The following SIRT5 variants were observed in gnomAD, a reference collection of about 807,000 sequenced individuals.
SIRT5 encodes NAD-dependent protein deacylase sirtuin-5, mitochondrial.
In SIRT5, 26 loss-of-function variants were observed where a neutral mutation model predicts 40.0. That is an observed-to-expected ratio of 0.65 (90% confidence interval 0.48 to 0.90). The LOEUF is 0.90. Ranked by LOEUF, SIRT5 falls within the 40% of genes least tolerant of loss-of-function variation. The pLI is 0.00. For synonymous variants in SIRT5, 146 were observed against 149.1 expected (o/e 0.98, Z 0.15); for missense variants, 401 against 402.4 (o/e 1.00, Z 0.03).
chr6:13,599,266 T>C, intron 8 of SIRT5, 111 bp downstream of exon 8: 1 of 1,138,132 alleles, frequency 8.8e-7, no homozygotes, highest in Non-Finnish European at 1.2e-6. Context: ...TCCCGCCTTC[T>C]CTCCTCCCTC....
chr6:13,579,549 C>T lies in SIRT5; in HGVS notation c.-96C>T, dbSNP rs201714904. On this transcript the variant is annotated 5_prime_UTR_variant, in exon 2 of 10. Transcript: ENST00000606117. ...TGTATTATATTGATGTCTCCAGATT[C>T]AAATATATTAGAAAGCAGCCGTGGA... 6.6e-6 allele frequency: 1 copy of T among 152,100 alleles called. No homozygotes were observed. Among genetic ancestry groups the T allele is most frequent in the African/African-American group, 2.4e-5 (1 of 41,404 alleles). The allele number at this position is 152,100 out of a possible 1,614,324, so 9.4% of individuals were successfully genotyped here.
intron 4 of SIRT5, among the ~76,000 whole-genome samples, chr6:13,588,797 T>C (rs1760420683): frequency 6.6e-6 from 1 of 152,222 alleles, no homozygotes; most frequent in South Asian, 2.1e-4. Context: ...GTATGACACA[T>C]AAAGTTTCTG....
At chr6:13,575,116 C>T (rs1208078226) in intron 1 of SIRT5, among the ~76,000 whole-genome samples, 4 of 152,234 alleles carry the variant, frequency 2.6e-5, no homozygotes, top group Middle Eastern at 3.4e-3. Flanking sequence ...CCCAGTGCTT[C>T]GGGGGGAGGC....
At chr6:13,582,017 C>G (rs952846133) in intron 2 of SIRT5, among the ~76,000 whole-genome samples, 1 of 152,204 alleles carries the variant, frequency 6.6e-6, no homozygotes, top group Non-Finnish European at 1.5e-5. Context: ...CCATGAACCT[C>G]TCCCCAACAT....
intron 9 of SIRT5, chr6:13,604,792 T>A (rs1227062330): frequency 8.8e-7 from 1 of 1,135,182 alleles, no homozygotes; most frequent in African/African-American, 1.6e-5. Flanking sequence ...CAGACCTGTT[T>A]CAGCTGCTAC....
chr6:13,594,506 C>T (rs1311791963), intron 5 of SIRT5, among the ~76,000 whole-genome samples: 1 of 152,214 alleles, frequency 6.6e-6, no homozygotes, highest in African/African-American at 2.4e-5. Flanking sequence ...GAGAGTGCCT[C>T]CGACGGCTCC....
In SIRT5 at chr6:13,610,648, G is replaced by A. The variant is rs1471162535; in HGVS notation, c.858-1142G>A. Among the ~76,000 whole-genome samples, 5 of 152,044 alleles carry A rather than the reference G, an allele frequency of 3.3e-5. No individual in the cohort carries two copies. In the South Asian group the frequency reaches 6.2e-4, roughly 19 times the overall value. On this transcript the variant is annotated intron_variant, in intron 9 of 9. Coordinates refer to ENST00000606117, the MANE Select transcript of SIRT5 (RefSeq NM_012241.5). Reference sequence around the variant, plus strand: ...AAATCACTTAAGAAAGAGAAGAGGTGGAAATTGAGGATCTGGGAATTCCCT... The same window carrying A: ...AAATCACTTAAGAAAGAGAAGAGGTAGAAATTGAGGATCTGGGAATTCCCT...
chr6:13,590,719 G>GTGTAGTTGTGTA, intron 4 of SIRT5, among the ~76,000 whole-genome samples: 1 of 151,744 alleles, frequency 6.6e-6, no homozygotes, highest in African/African-American at 2.4e-5. Flanking sequence ...TTAGTTGTGG[G>GTGTAGTTGTGTA]TGTAGTTGTG....
chr6:13,596,907 C>A (rs903319812), intron 6 of SIRT5, 56 bp from the exon 7 acceptor site: 2 of 1,409,502 alleles, frequency 1.4e-6, no homozygotes, highest in East Asian at 2.3e-5. Context: ...TATGTTGTTT[C>A]TTTATTTTTT....
At chr6:13,610,298 C>T (rs1763659301) in intron 9 of SIRT5, among the ~76,000 whole-genome samples, 1 of 152,146 alleles carries the variant, frequency 6.6e-6, no homozygotes, top group Non-Finnish European at 1.5e-5. Context: ...ATAGCCTTGC[C>T]ACTCCAATTT....
chr6:13,591,224 T>C (rs1043301938), intron 4 of SIRT5, among the ~76,000 whole-genome samples: 2 of 152,204 alleles, frequency 1.3e-5, no homozygotes, highest in African/African-American at 4.8e-5. Flanking sequence ...AAACTGAGTT[T>C]CTCACCCATG....
intron 9 of SIRT5, among the ~76,000 whole-genome samples, chr6:13,606,758 T>C (rs1584866205): frequency 6.6e-6 from 1 of 152,228 alleles, no homozygotes; most frequent in South Asian, 2.1e-4. Flanking sequence ...CTTGGTTTAC[T>C]GGAAACTTTG....
intron 5 of SIRT5, among the ~76,000 whole-genome samples, chr6:13,592,450 A>G (rs1018936769): frequency 6.6e-6 from 1 of 152,068 alleles, no homozygotes; most frequent in Non-Finnish European, 1.5e-5. Flanking sequence ...CTCCCCCTTC[A>G]TCCTGGTGGG....
intron 4 of SIRT5, among the ~76,000 whole-genome samples, chr6:13,590,063 T>C (rs1760634047): frequency 6.6e-6 from 1 of 152,162 alleles, no homozygotes; most frequent in African/African-American, 2.4e-5. Context: ...TAGAATGAAA[T>C]GCACATGTGT....
intron 9 of SIRT5, chr6:13,604,614 C>T: frequency 6.7e-7 from 1 of 1,495,516 alleles, no homozygotes; most frequent in Non-Finnish European, 8.9e-7. Flanking sequence ...TAGAGTTGGC[C>T]CCCACCTCCC....
At chr6:13,575,450 G>A (rs2804926) in intron 1 of SIRT5, among the ~76,000 whole-genome samples, 40,768 of 151,848 alleles carry the variant, frequency 0.27, 5,814 homozygotes, top group Admixed American at 0.31. Context: ...GCTCTTAGGC[G>A]TTCAAAAATT....
At chr6:13,593,984 T>C (rs1015669148) in intron 5 of SIRT5, among the ~76,000 whole-genome samples, 1 of 152,184 alleles carries the variant, frequency 6.6e-6, no homozygotes, top group Non-Finnish European at 1.5e-5. Context: ...CCCTCTGTTA[T>C]AGCTGGGATT....
At chr6:13,592,442 C>T (rs1761047317) in intron 5 of SIRT5, among the ~76,000 whole-genome samples, 1 of 152,232 alleles carries the variant, frequency 6.6e-6, no homozygotes, top group Non-Finnish European at 1.5e-5. Context: ...TCCTGTCACT[C>T]CCCCTTCATC....
intron 3 of SIRT5, among the ~76,000 whole-genome samples, chr6:13,588,003 C>G (rs1760305601): frequency 6.6e-6 from 1 of 152,084 alleles, no homozygotes. Flanking sequence ...CATGCCTGCT[C>G]TAGGGAAGGC....
Sources: gnomAD v4.1 joint callset for allele counts (sites outside exome capture counted in the v4.1 genomes callset) on GRCh38, gnomAD v4.1.1 for gene constraint, MANE v1.5 for transcripts, NCBI Gene and HGNC (gene_info 2026-07-23, HGNC 2026-07-21) for gene names.